The following ASIC2 variants were observed in gnomAD, a reference collection of about 807,000 sequenced individuals.
ASIC2 encodes acid sensing ion channel subunit 2, also known as acid-sensing ion channel 2.
Under a neutral mutation model 57.3 loss-of-function variants are expected in ASIC2, and 25 were observed. That is an observed-to-expected ratio of 0.44 (90% CI 0.32 to 0.61). ASIC2 has a LOEUF of 0.61. Among genes scored for constraint, ASIC2 ranks in the 20% least tolerant of loss-of-function variants. ASIC2 has a pLI of 0.06. For synonymous variants in ASIC2, 319 were observed against 307.5 expected (o/e 1.04, Z -0.39); for missense variants, 641 against 738.1 (o/e 0.87, Z 1.52).
chr17:34,119,927 A>G (rs1911552262), intron 1 of ASIC2: 2 of 152,248 alleles, frequency 1.3e-5, no homozygotes, highest in Non-Finnish European at 2.9e-5. Context: ...GCCTTGGTTA[A>G]CCAGCCAGAA....
At chr17:33,586,493 T>C (rs919093325) in intron 1 of ASIC2, among the ~76,000 whole-genome samples, 2 of 152,220 alleles carry the variant, frequency 1.3e-5, no homozygotes, top group Non-Finnish European at 2.9e-5. Context: ...GCATTGCTCT[T>C]GGCGTAAAAT....
chr17:33,420,623 T>C (rs1332088709), intron 1 of ASIC2, among the ~76,000 whole-genome samples: 3 of 152,172 alleles, frequency 2.0e-5, no homozygotes, highest in Non-Finnish European at 4.4e-5. Context: ...ATATCTGCTT[T>C]TGATTGAGAT....
At chr17:34,096,955 G>A (rs886215422) in intron 1 of ASIC2, among the ~76,000 whole-genome samples, 2 of 150,260 alleles carry the variant, frequency 1.3e-5, no homozygotes, top group African/African-American at 2.4e-5. Context: ...TGGTCCTCAA[G>A]GTGGAAAGAA....
At chr17:33,898,867 T>C (rs939613857) in intron 1 of ASIC2, among the ~76,000 whole-genome samples, 18 of 152,104 alleles carry the variant, frequency 1.2e-4, no homozygotes, top group Non-Finnish European at 2.2e-4. Flanking sequence ...GCTTGGCAGG[T>C]TACAGGGTGC....
At chr17:33,376,977 A>G (rs112662380) in intron 1 of ASIC2, among the ~76,000 whole-genome samples, 10 of 152,346 alleles carry the variant, frequency 6.6e-5, no homozygotes, top group African/African-American at 2.4e-4. Flanking sequence ...AGGCTAAGTA[A>G]TTCATTCATT....
At chr17:33,452,776 T>TGTGTGTGTGA (rs927088214) in intron 1 of ASIC2, among the ~76,000 whole-genome samples, 4 of 151,270 alleles carry the variant, frequency 2.6e-5, no homozygotes, top group Non-Finnish European at 4.4e-5. Context: ...TGTGTGTGTG[T>TGTGTGTGTGA]GATAGCCTTT....
chr17:33,659,847 G>A (rs1907194874), intron 1 of ASIC2, among the ~76,000 whole-genome samples: 1 of 150,834 alleles, frequency 6.6e-6, no homozygotes, highest in East Asian at 2.0e-4. Flanking sequence ...ACTCCAGCCT[G>A]GGTGACAGAG....
intron 1 of ASIC2, among the ~76,000 whole-genome samples, chr17:33,453,309 A>G (rs1422901128): frequency 6.7e-6 from 1 of 149,514 alleles, no homozygotes; most frequent in African/African-American, 2.5e-5. Context: ...AAAGAAACTG[A>G]TTTTACATTC....
intron 1 of ASIC2, among the ~76,000 whole-genome samples, chr17:33,861,372 C>G (rs1384476195): frequency 1.3e-5 from 2 of 152,134 alleles, no homozygotes. Context: ...TTATACAGTA[C>G]TTTTCAGCTT....
rs542463952 is a variant in ASIC2, at chr17:33,746,363, T to TGTAGATATGTATATAG, written c.555+409614_555+409615insCTATATACATATCTAC. 4.0e-3 allele frequency among the ~76,000 whole-genome samples: 591 copies of TGTAGATATGTATATAG among 148,854 alleles called. 5 individuals are homozygous for TGTAGATATGTATATAG. The highest frequency in any genetic ancestry group is 9.1e-3 in the South Asian group (43 of 4,720). The stretch of plus-strand genomic sequence containing the variant: ...ATACATACATGTATCTACCTATATA[T>TGTAGATATGTATATAG]GTAGATATACATGTATATCTACATA... On this transcript the variant is annotated intron_variant, in intron 1 of 9. Transcript: ENST00000359872.
chr17:33,782,837 C>T (rs76939502), intron 1 of ASIC2, among the ~76,000 whole-genome samples: 1 of 152,290 alleles, frequency 6.6e-6, no homozygotes, highest in East Asian at 1.9e-4. Flanking sequence ...TCCAAACAAG[C>T]CTATTCTCAG....
intron 1 of ASIC2, among the ~76,000 whole-genome samples, chr17:33,357,782 T>C (rs59327933): frequency 0.18 from 26,656 of 152,122 alleles, 3,006 homozygotes; most frequent in East Asian, 0.49. Flanking sequence ...GAACTTTATA[T>C]AATAAACTTC....
intron 1 of ASIC2, among the ~76,000 whole-genome samples, chr17:34,015,067 C>T (rs547674372): frequency 8.2e-4 from 121 of 147,136 alleles, no homozygotes; most frequent in African/African-American, 2.7e-3. Context: ...CTTTCTTCTG[C>T]CTTTTTTTTT....
At chr17:34,052,267 C>A (rs1017198173) in intron 1 of ASIC2, among the ~76,000 whole-genome samples, 2 of 152,172 alleles carry the variant, frequency 1.3e-5, no homozygotes, top group Non-Finnish European at 2.9e-5. Context: ...CATTTGAAAT[C>A]GTACTACTGC....
At chr17:33,930,215 G>A (rs1915903223) in intron 1 of ASIC2, among the ~76,000 whole-genome samples, 1 of 152,210 alleles carries the variant, frequency 6.6e-6, no homozygotes, top group Admixed American at 6.5e-5. Flanking sequence ...ATCACTTACG[G>A]GTTTCCCCTG....
At chr17:33,825,206 C>A (rs1912870175) in intron 1 of ASIC2, among the ~76,000 whole-genome samples, 1 of 152,122 alleles carries the variant, frequency 6.6e-6, no homozygotes, top group Non-Finnish European at 1.5e-5. Context: ...CAGTAAATAC[C>A]ATATCATAAG....
At chr17:33,621,326 A>G (rs1263343081) in intron 1 of ASIC2, among the ~76,000 whole-genome samples, 1 of 152,250 alleles carries the variant, frequency 6.6e-6, no homozygotes, top group Non-Finnish European at 1.5e-5. Context: ...GGCATGTAGT[A>G]GCCAGTCAGT....
intron 1 of ASIC2, among the ~76,000 whole-genome samples, chr17:34,058,519 T>C (rs1908853568): frequency 6.6e-6 from 1 of 152,186 alleles, no homozygotes. Flanking sequence ...AACAAATGCT[T>C]AGCTCAGACT....
intron 1 of ASIC2, among the ~76,000 whole-genome samples, chr17:33,665,102 C>T (rs1445129174): frequency 6.6e-6 from 1 of 151,914 alleles, no homozygotes; most frequent in Admixed American, 6.6e-5. Flanking sequence ...TACCCAAGGT[C>T]ACACGATTCC....
Sources: allele counts gnomAD v4.1 joint callset (sites outside exome capture counted in the v4.1 genomes callset), GRCh38; gene constraint gnomAD v4.1.1; transcripts MANE v1.5; gene names NCBI Gene and HGNC (gene_info 2026-07-23, HGNC 2026-07-21).